Variants in NR6A1 observed in about 807,000 individuals in gnomAD.
NR6A1 encodes the protein retinoic acid receptor-related testis-associated receptor.
In NR6A1, 7 loss-of-function variants were observed where a neutral mutation model predicts 59.1. That is an observed-to-expected ratio of 0.12 (90% CI 0.07 to 0.22). The LOEUF is 0.22. Among genes scored for constraint, NR6A1 ranks in the 10% least tolerant of loss-of-function variants. NR6A1 has a pLI of 1.00. For synonymous variants in NR6A1, 243 were observed against 236.1 expected (o/e 1.03, Z -0.27); for missense variants, 468 against 611.6 (o/e 0.77, Z 2.48).
intron 2 of NR6A1, among the ~76,000 whole-genome samples, chr9:124,591,474 C>G (rs1318911722): frequency 6.6e-6 from 1 of 152,222 alleles, no homozygotes; most frequent in African/African-American, 2.4e-5. Context: ...TATGAGCCAT[C>G]TGGGCAACAG....
At chr9:124,532,415 G>A (rs979873560) in intron 7 of NR6A1, among the ~76,000 whole-genome samples, 5 of 152,038 alleles carry the variant, frequency 3.3e-5, no homozygotes, top group Admixed American at 1.3e-4. Flanking sequence ...AGTTCTCTTC[G>A]GATGCCCCGC....
chr9:124,664,005 AAAC>A (rs1401126813), intron 2 of NR6A1, among the ~76,000 whole-genome samples: 6 of 152,220 alleles, frequency 3.9e-5, no homozygotes, highest in South Asian at 2.1e-4. Flanking sequence ...TTGGTGATTA[AAAC>A]AACAACATCA....
At chr9:124,544,004 A>C in intron 3 of NR6A1, 147 bp from the exon 4 acceptor site, 1 of 687,128 alleles carries the variant, frequency 1.5e-6, no homozygotes, top group Non-Finnish European at 2.4e-6. Context: ...TCCAAAGCAC[A>C]CAATTCTTTC....
intron 2 of NR6A1, among the ~76,000 whole-genome samples, chr9:124,676,939 A>G (rs1837982677): frequency 6.6e-6 from 1 of 152,234 alleles, no homozygotes; most frequent in Non-Finnish European, 1.5e-5. Context: ...CTTCACTCAT[A>G]TTCAAGACTG....
chr9:124,599,443 C>A, intron 2 of NR6A1: 1 of 410,294 alleles, frequency 2.4e-6, no homozygotes. Flanking sequence ...AAAAGTTCCT[C>A]TTCATCTTCC....
intron 2 of NR6A1, among the ~76,000 whole-genome samples, chr9:124,622,312 A>G (rs1002270594): frequency 1.3e-5 from 2 of 152,216 alleles, no homozygotes; most frequent in Non-Finnish European, 2.9e-5. Flanking sequence ...TCTGTGTGTA[A>G]TATCCCATGT....
chr9:124,704,577 T>C (rs997199869), intron 2 of NR6A1, among the ~76,000 whole-genome samples: 6 of 152,168 alleles, frequency 3.9e-5, no homozygotes, highest in Non-Finnish European at 7.3e-5. Context: ...CGGATTAGTT[T>C]GTGTTTTATC....
chr9:124,608,937 G>A (rs1416096010), intron 2 of NR6A1, among the ~76,000 whole-genome samples: 1 of 152,126 alleles, frequency 6.6e-6, no homozygotes, highest in Non-Finnish European at 1.5e-5. Context: ...CTACATAAAT[G>A]TCTTATTTTG....
chr9:124,587,856 C>T (rs981085595), intron 2 of NR6A1, among the ~76,000 whole-genome samples: 4 of 152,150 alleles, frequency 2.6e-5, no homozygotes, highest in African/African-American at 7.2e-5. Context: ...TTCCCTAAGG[C>T]GCTGGATCAA....
At chr9:124,544,624 G>GAACAGTGT (rs1833545351) in intron 3 of NR6A1, among the ~76,000 whole-genome samples, 1 of 152,174 alleles carries the variant, frequency 6.6e-6, no homozygotes, top group African/African-American at 2.4e-5. Context: ...CAGGTTGAGC[G>GAACAGTGT]AACAGTGTAC....
intron 2 of NR6A1, among the ~76,000 whole-genome samples, chr9:124,702,547 G>A (rs1440335210): frequency 6.6e-6 from 1 of 152,046 alleles, no homozygotes; most frequent in African/African-American, 2.4e-5. Context: ...GTTGGAGGTG[G>A]GGCCTAATGG....
chr9:124,554,267 T>A, intron 3 of NR6A1, 61 bp downstream of exon 3: 2 of 1,610,754 alleles, frequency 1.2e-6, no homozygotes, highest in Non-Finnish European at 1.7e-6. Flanking sequence ...ACTAAACAGC[T>A]GACACTAAAG....
intron 3 of NR6A1, among the ~76,000 whole-genome samples, chr9:124,544,154 T>C (rs978341249): frequency 6.6e-6 from 1 of 152,262 alleles, no homozygotes; most frequent in Admixed American, 6.5e-5. Context: ...ACAAACATCC[T>C]GCCAGGATGA....
intron 1 of NR6A1, among the ~76,000 whole-genome samples, chr9:124,740,226 T>A (rs768459881): frequency 1.3e-5 from 2 of 152,192 alleles, no homozygotes; most frequent in African/African-American, 4.8e-5. Flanking sequence ...AGGACTCAAG[T>A]CAGGTCTCCT....
intron 2 of NR6A1, among the ~76,000 whole-genome samples, chr9:124,589,378 G>A (rs7866573): frequency 6.6e-5 from 10 of 151,774 alleles, no homozygotes; most frequent in Non-Finnish European, 1.0e-4. Flanking sequence ...CCAAGGAGGC[G>A]GAGCTTGCAG....
In NR6A1 at chr9:124,646,340, A is replaced by G. The variant is rs1429208040; in HGVS notation, c.142+86968T>C. On this transcript the variant is annotated intron_variant, in intron 2 of 9. Transcript: ENST00000487099. ...CAAAAGCTGGTTCTTTGAAAAGATC[A>G]ATAAAATCCATAAGCCTCTAGCAAG... Among the ~76,000 whole-genome samples, 3 of 152,332 alleles carry G rather than the reference A, an allele frequency of 2.0e-5. No homozygotes were observed. The East Asian group carries it at 5.8e-4, about 29-fold the overall frequency.
intron 2 of NR6A1, among the ~76,000 whole-genome samples, chr9:124,617,506 T>C (rs1835933813): frequency 6.6e-6 from 1 of 152,224 alleles, no homozygotes; most frequent in African/African-American, 2.4e-5. Flanking sequence ...TGTACTTGTA[T>C]CTTTTCTAGT....
intron 2 of NR6A1, among the ~76,000 whole-genome samples, chr9:124,704,065 T>C (rs1588807703): frequency 6.6e-6 from 1 of 152,344 alleles, no homozygotes; most frequent in South Asian, 2.1e-4. Context: ...TTAACTGTTA[T>C]AAGGTCTCAT....
chr9:124,609,768 G>A (rs1380088248), intron 2 of NR6A1, among the ~76,000 whole-genome samples: 1 of 152,114 alleles, frequency 6.6e-6, no homozygotes, highest in Non-Finnish European at 1.5e-5. Context: ...ATTTGTTTGT[G>A]TCCTCTCTGA....
Sources: allele counts gnomAD v4.1 joint callset (sites outside exome capture counted in the v4.1 genomes callset), GRCh38; gene constraint gnomAD v4.1.1; transcripts MANE v1.5; gene names NCBI Gene and HGNC (gene_info 2026-07-23, HGNC 2026-07-21).